The following RHOBTB3 variants were observed in gnomAD, a reference collection of about 807,000 sequenced individuals.
The protein encoded by RHOBTB3 is Rho related BTB domain containing 3.
Under a neutral mutation model 67.2 loss-of-function variants are expected in RHOBTB3, and 47 were observed. The ratio of observed to expected loss-of-function variants is 0.70; its 90% CI spans 0.55 to 0.89. The LOEUF (loss-of-function observed/expected upper bound fraction) is 0.89. RHOBTB3 is among the 40% of genes least tolerant of loss of function. RHOBTB3 has a pLI of 0.00. For synonymous variants in RHOBTB3, 273 were observed against 274.2 expected (o/e 1.00, Z 0.04); for missense variants, 631 against 750.0 (o/e 0.84, Z 1.85).
At chr5:95,763,854 G>C (rs1366319118) in intron 7 of RHOBTB3, among the ~76,000 whole-genome samples, 25 of 151,552 alleles carry the variant, frequency 1.6e-4, no homozygotes, top group Non-Finnish European at 3.7e-4. Flanking sequence ...TGTTGCCCAG[G>C]TGGGAGTGCG....
At chr5:95,744,974 G>A (rs936797085) in intron 3 of RHOBTB3, among the ~76,000 whole-genome samples, 9 of 152,092 alleles carry the variant, frequency 5.9e-5, no homozygotes, top group African/African-American at 1.9e-4. Flanking sequence ...GGTAGGCTGA[G>A]GTGGGAGGAT....
At position 95,793,255 on chromosome 5, in the gene RHOBTB3, A is replaced by G. The variant is rs554141957; in HGVS notation, c.*81A>G. The G allele has an allele frequency of 1.1e-6, 1 of 892,188 alleles. No individual in the cohort carries two copies. The highest frequency in any genetic ancestry group is 1.7e-5 in the South Asian group (1 of 58,878). 55.3% of individuals were successfully genotyped at this position (892,188 alleles called of 1,614,324 possible). On this transcript the variant is annotated 3_prime_UTR_variant, in exon 12 of 12. Coordinates refer to ENST00000379982, the MANE Select transcript of RHOBTB3 (RefSeq NM_014899.4). Reference sequence around the variant, plus strand: ...TCCAGGTTCCAGTAAAATTCTTCTGACCGAAACCAATGTGGGTGTTAGAAA... The same window carrying G: ...TCCAGGTTCCAGTAAAATTCTTCTGGCCGAAACCAATGTGGGTGTTAGAAA...
At chr5:95,730,874 CA>C (rs763536247), upstream of RHOBTB3, 3 of 455,624 alleles carry the variant, frequency 6.6e-6, no homozygotes, top group South Asian at 4.6e-5. Flanking sequence ...CGCATGTTGA[CA>C]AATGAGAAAG....
intron 1 of RHOBTB3, among the ~76,000 whole-genome samples, chr5:95,720,159 C>T (rs1183151681): frequency 6.6e-6 from 1 of 152,158 alleles, no homozygotes; most frequent in Non-Finnish European, 1.5e-5. Context: ...GTGATCAACC[C>T]TGGGCACCTT....
At chr5:95,735,617 T>A (rs1368280754) in intron 2 of RHOBTB3, among the ~76,000 whole-genome samples, 1 of 152,218 alleles carries the variant, frequency 6.6e-6, no homozygotes, top group Non-Finnish European at 1.5e-5. Context: ...CAGACCTAGC[T>A]ATTTTCTTAA....
chr5:95,748,488 G>A lies in RHOBTB3; in HGVS notation c.570+1G>A. On this transcript the variant is annotated splice_donor_variant, in intron 4 of 11. Coordinates refer to ENST00000379982, the MANE Select transcript of RHOBTB3 (RefSeq NM_014899.4). LOFTEE classifies it high-confidence loss of function. ...CATAGGAAAGTATTTTGGAGGAGTG[G>A]TAAGTGGAAATTCCTGTTAAGTATA... The A allele has an allele frequency of 6.2e-7, 1 of 1,605,576 alleles. No homozygotes were observed. The highest frequency in any genetic ancestry group is 8.5e-7 in the Non-Finnish European group (1 of 1,175,312).
At chr5:95,732,679 A>C (rs1037674964) in intron 2 of RHOBTB3, 1 of 142,044 alleles carries the variant, frequency 7.0e-6, no homozygotes, top group East Asian at 2.4e-4. Flanking sequence ...AGTGACTCAT[A>C]AATCAGAAAT....
intron 2 of RHOBTB3, among the ~76,000 whole-genome samples, chr5:95,733,361 A>C (rs564219640): frequency 6.6e-6 from 1 of 152,206 alleles, no homozygotes; most frequent in East Asian, 1.9e-4. Context: ...TACAGCCTAA[A>C]AACATGACGG....
At chr5:95,750,584 A>G (rs1268736456) in intron 4 of RHOBTB3, among the ~76,000 whole-genome samples, 1 of 152,244 alleles carries the variant, frequency 6.6e-6, no homozygotes, top group Admixed American at 6.5e-5. Flanking sequence ...GGTCTATGGA[A>G]TAGTGCTAGG....
intron 9 of RHOBTB3, among the ~76,000 whole-genome samples, chr5:95,780,948 C>A (rs1746029990): frequency 6.6e-6 from 1 of 152,174 alleles, no homozygotes; most frequent in Admixed American, 6.5e-5. Flanking sequence ...GTCAGAAACT[C>A]CTCAAACTGA....
chr5:95,774,321 G>A (rs1745806735), intron 8 of RHOBTB3, among the ~76,000 whole-genome samples: 13 of 152,100 alleles, frequency 8.5e-5, no homozygotes, highest in Admixed American at 8.5e-4. Context: ...TTTCCCTCAA[G>A]TCAGTTTTCC....
intron 5 of RHOBTB3, among the ~76,000 whole-genome samples, chr5:95,752,806 T>C (rs1745127295): frequency 6.6e-6 from 1 of 152,152 alleles, no homozygotes; most frequent in Admixed American, 6.6e-5. Flanking sequence ...TTGTGATGAA[T>C]AGGAGAATGT....
chr5:95,761,339 C>CTTTT (rs766063568), intron 6 of RHOBTB3, among the ~76,000 whole-genome samples: 9 of 125,806 alleles, frequency 7.2e-5, no homozygotes, highest in East Asian at 4.4e-4. Context: ...CCTTTTTCCT[C>CTTTT]TTTTTTTTTT....
In RHOBTB3 at chr5:95,794,329, C is replaced by A; in HGVS notation, c.*1155C>A. ...AGATGCTCTGTAGAGAATTTGCTAC[C>A]GAAGTTGGCTCAAGAATTTGTTTTT... On this transcript the variant is annotated 3_prime_UTR_variant, in exon 12 of 12. Transcript: ENST00000379982. 1 of 167,480 alleles carries A rather than the reference C, an allele frequency of 6.0e-6. No individual in the cohort carries two copies. The highest frequency in any genetic ancestry group is 1.3e-5 in the Non-Finnish European group (1 of 76,376). The allele number at this position is 167,480 out of a possible 1,614,324, so 10.4% of individuals were successfully genotyped here.
At chr5:95,746,932 C>T (rs13328204) in intron 3 of RHOBTB3, among the ~76,000 whole-genome samples, 7,799 of 152,208 alleles carry the variant, frequency 0.051, 295 homozygotes, top group Non-Finnish European at 0.079. Context: ...AGCGTATACC[C>T]GATATTTACA....
chr5:95,751,672 T>C (rs1184857400), intron 4 of RHOBTB3, among the ~76,000 whole-genome samples: 2 of 152,132 alleles, frequency 1.3e-5, no homozygotes, highest in East Asian at 3.8e-4. Context: ...AGTTTTCTGA[T>C]CCTCACCCTC....
intron 6 of RHOBTB3, among the ~76,000 whole-genome samples, chr5:95,762,001 T>C (rs1305025406): frequency 6.6e-6 from 1 of 152,070 alleles, no homozygotes; most frequent in East Asian, 1.9e-4. Flanking sequence ...CTACACAGCT[T>C]TGAGAATTTG....
intron 11 of RHOBTB3, chr5:95,789,205 C>A (rs1746305859): frequency 4.6e-6 from 1 of 218,516 alleles, no homozygotes; most frequent in Non-Finnish European, 8.9e-6. Flanking sequence ...AAGTCAGCAG[C>A]AAAGTTTAAA....
At chr5:95,772,883 G>A (rs929965208) in intron 8 of RHOBTB3, among the ~76,000 whole-genome samples, 8 of 152,190 alleles carry the variant, frequency 5.3e-5, no homozygotes, top group African/African-American at 1.9e-4. Context: ...TGCCAGCGAT[G>A]TTCATTTTGC....
Sources: allele counts gnomAD v4.1 joint callset (sites outside exome capture counted in the v4.1 genomes callset), GRCh38; gene constraint gnomAD v4.1.1; transcripts MANE v1.5; gene names NCBI Gene and HGNC (gene_info 2026-07-23, HGNC 2026-07-21).